The following SLC43A2 variants were observed in gnomAD, a reference collection of about 807,000 sequenced individuals.
SLC43A2 encodes large neutral amino acids transporter small subunit 4.
Under a neutral mutation model 63.2 loss-of-function variants are expected in SLC43A2, and 38 were observed. The observed-to-expected ratio is 0.60, with a 90% CI of 0.46 to 0.79. The LOEUF is 0.79. Among genes scored for constraint, SLC43A2 ranks in the 30% least tolerant of loss-of-function variants. SLC43A2 has a pLI of 0.00. For missense variants in SLC43A2, 644 were observed against 756.2 expected (o/e 0.85, Z 1.74); for synonymous variants, 322 against 331.0 (o/e 0.97, Z 0.30).
rs1159102923 is a variant in SLC43A2, at chr17:1,571,609, TG to T, written c.*3994del. ...CCGCCATTTTCAGCCCTGGGGCCTA[TG>T]GCAAAGTGACGCCCCCCTCGGAGTG... On this transcript the variant is annotated 3_prime_UTR_variant, in exon 14 of 14. Transcript: ENST00000301335. The surrounding 1 kb of genome is among the most constrained non-coding windows in gnomAD (Gnocchi z 5.2). The T allele has an allele frequency of 2.0e-5, 3 of 152,438 alleles. No homozygotes were observed. Among genetic ancestry groups the T allele is most frequent in the Admixed American group, 2.0e-4 (3 of 15,286 alleles). 9.4% of individuals were successfully genotyped at this position (152,438 alleles called of 1,614,324 possible). A position where few individuals can be genotyped will look rare whatever the true frequency, so the allele number is the denominator to read the frequency against.
chr17:1,603,898 GTGTAGGCCCCAGGCCACGC>G (rs1476405947), intron 5 of SLC43A2, among the ~76,000 whole-genome samples: 1 of 152,230 alleles, frequency 6.6e-6, no homozygotes, highest in Non-Finnish European at 1.5e-5. Context: ...AAGCCTCTGT[GTGTAGGCCCCAGGCCACGC>G]TGCCTCTCTG....
intron 2 of SLC43A2, among the ~76,000 whole-genome samples, chr17:1,627,430 G>A (rs1908753238): frequency 6.6e-6 from 1 of 152,202 alleles, no homozygotes; most frequent in Admixed American, 6.5e-5. Flanking sequence ...TTCGTAGCGG[G>A]TGGAAGGAAC....
intron 5 of SLC43A2, among the ~76,000 whole-genome samples, chr17:1,595,977 G>C (rs371758280): frequency 2.0e-5 from 3 of 152,270 alleles, no homozygotes; most frequent in East Asian, 1.9e-4. Flanking sequence ...AATGAGTAAG[G>C]GATGTCAGCA....
intron 10 of SLC43A2, chr17:1,585,584 G>T: frequency 2.0e-6 from 2 of 982,556 alleles, no homozygotes; most frequent in Non-Finnish European, 2.7e-6. Flanking sequence ...AGTGGGGGCT[G>T]GCCATGTTTC....
chr17:1,585,803 T>C, intron 10 of SLC43A2, 110 bp downstream of exon 10: 2 of 1,602,598 alleles, frequency 1.2e-6, no homozygotes, highest in Non-Finnish European at 1.7e-6. Flanking sequence ...GCAGCTGGAG[T>C]GCATTGCTCT....
At chr17:1,597,271 G>A (rs190580889) in intron 5 of SLC43A2, among the ~76,000 whole-genome samples, 5,541 of 148,532 alleles carry the variant, frequency 0.037, 134 homozygotes, top group Non-Finnish European at 0.06. Flanking sequence ...TTGGGAGGCC[G>A]AGGTGGGCAG....
chr17:1,626,075 TA>T lies in SLC43A2; in HGVS notation c.160+1639del, dbSNP rs565366070. Among the ~76,000 whole-genome samples the T allele has an allele frequency of 8.9e-4, 130 of 146,032 alleles. 1 individual carries two copies. Among genetic ancestry groups the T allele is most frequent in the Middle Eastern group, 3.5e-3 (1 of 286 alleles). Reference sequence around the variant, plus strand: ...CTGACCTTCCGACATCATGGTGGGTTAAAAAAAAAACACACAAAAAAACACC... The same window carrying T: ...CTGACCTTCCGACATCATGGTGGGTTAAAAAAAAACACACAAAAAAACACC... On this transcript the variant is annotated intron_variant, in intron 2 of 13. Coordinates refer to ENST00000301335, the MANE Select transcript of SLC43A2 (RefSeq NM_152346.3).
chr17:1,579,414 T>C (rs1598432571), intron 11 of SLC43A2, among the ~76,000 whole-genome samples: 1 of 150,116 alleles, frequency 6.7e-6, no homozygotes, highest in Admixed American at 6.6e-5. Flanking sequence ...TGAGCCGAGA[T>C]AGCACCACTG....
chr17:1,598,829 G>T (rs528879652), intron 5 of SLC43A2, among the ~76,000 whole-genome samples: 2 of 152,300 alleles, frequency 1.3e-5, no homozygotes, highest in African/African-American at 4.8e-5. Context: ...ATGAGGCCTT[G>T]CCCTCAGGCC....
At chr17:1,586,927 A>AGGGGCCCCCCCCCCCCC in intron 9 of SLC43A2, 1 of 1,355,942 alleles carries the variant, frequency 7.4e-7, no homozygotes. Flanking sequence ...TTCCCTGACA[A>AGGGGCCCCCCCCCCCCC]TCCCCCCCAC....
rs993212464 is a variant in SLC43A2, at chr17:1,627,887, C to A, written c.-13G>T. The A allele has an allele frequency of 1.3e-6, 2 of 1,547,518 alleles. No homozygotes were observed. The highest frequency in any genetic ancestry group is 2.0e-5 in the Admixed American group (1 of 50,672). ...GGGTGGGCGCCATGGTGCGGCGCGG[C>A]GCGGCTCCGGCTCCGGCTCCGGCTC... is the stretch of plus-strand genomic sequence containing the variant. On this transcript the variant is annotated 5_prime_UTR_variant, in exon 2 of 14. Coordinates refer to ENST00000301335, the MANE Select transcript of SLC43A2 (RefSeq NM_152346.3).
chr17:1,587,302 G>A (rs1361044609), intron 9 of SLC43A2, among the ~76,000 whole-genome samples: 1 of 152,240 alleles, frequency 6.6e-6, no homozygotes, highest in Non-Finnish European at 1.5e-5. Flanking sequence ...CGGGCATGCG[G>A]AAGACCTGGT....
chr17:1,602,120 G>A (rs1029255995), intron 5 of SLC43A2, among the ~76,000 whole-genome samples: 2 of 152,162 alleles, frequency 1.3e-5, no homozygotes, highest in East Asian at 3.8e-4. Context: ...CGTGTGGGTC[G>A]ACAAGGGTGC....
chr17:1,620,528 G>A (rs187360942), intron 2 of SLC43A2, among the ~76,000 whole-genome samples: 5 of 152,230 alleles, frequency 3.3e-5, no homozygotes, highest in South Asian at 2.1e-4. Context: ...GACCTTGCAC[G>A]TAGGCCAACA....
rs1317179472 is a variant in SLC43A2 at position 1,571,256 on chromosome 17, CACCCCAGGGG to C, written c.*4338_*4347del. On this transcript the variant is annotated 3_prime_UTR_variant, in exon 14 of 14. Transcript: ENST00000301335. The surrounding 1 kb of genome is among the most constrained non-coding windows in gnomAD (Gnocchi z 5.2). The stretch of plus-strand genomic sequence containing the variant: ...GCCCACCTGCTCACCCTGACCACCC[CACCCCAGGGG>C]ACCCCAGGCTCCTAACTCTCAGAAT... The C allele has an allele frequency of 6.6e-6, 1 of 152,334 alleles. No individual in the cohort carries two copies. Among genetic ancestry groups the C allele is most frequent in the African/African-American group, 2.4e-5 (1 of 41,464 alleles). 9.4% of individuals were successfully genotyped at this position (152,334 alleles called of 1,614,324 possible).
At chr17:1,609,339 T>C (rs1906889628) in intron 5 of SLC43A2, among the ~76,000 whole-genome samples, 1 of 152,068 alleles carries the variant, frequency 6.6e-6, no homozygotes, top group Admixed American at 6.5e-5. Context: ...GTAGCTGGGA[T>C]TACAGGCGCC....
intron 11 of SLC43A2, among the ~76,000 whole-genome samples, chr17:1,581,969 G>A (rs2076024038): frequency 1.3e-5 from 2 of 151,754 alleles, no homozygotes; most frequent in South Asian, 4.2e-4. Context: ...ACCACGCCCA[G>A]CTAATTTTTG....
intron 5 of SLC43A2, among the ~76,000 whole-genome samples, chr17:1,598,110 C>T (rs1046757722): frequency 2.6e-5 from 4 of 152,066 alleles, no homozygotes; most frequent in Non-Finnish European, 5.9e-5. Context: ...CATGCCAGCA[C>T]AGCCGGCGCA....
chr17:1,615,690 A>G (rs527943731), intron 3 of SLC43A2, among the ~76,000 whole-genome samples: 2 of 149,298 alleles, frequency 1.3e-5, no homozygotes, highest in Admixed American at 6.7e-5. Flanking sequence ...AAAAATACAA[A>G]AAATTAGCCG....
Sources: allele counts gnomAD v4.1 joint callset (sites outside exome capture counted in the v4.1 genomes callset), GRCh38; gene constraint gnomAD v4.1.1; non-coding constraint Gnocchi (gnomAD v3.1); transcripts MANE v1.5; gene names NCBI Gene and HGNC (gene_info 2026-07-23, HGNC 2026-07-21).